Variants in PLK4 observed in about 807,000 individuals in gnomAD.
The protein encoded by PLK4 is serine/threonine-protein kinase PLK4.
PLK4 carries 51 observed loss-of-function variants against 103.0 expected under a neutral mutation model. That is an observed-to-expected ratio of 0.50 (90% CI 0.40 to 0.63). The LOEUF (loss-of-function observed/expected upper bound fraction) is 0.63. Among genes scored for constraint, PLK4 ranks in the 20% least tolerant of loss-of-function variants. PLK4 has a pLI of 0.00. For synonymous variants in PLK4, 389 were observed against 376.8 expected, an observed-to-expected ratio of 1.03 and a Z score of -0.38; for missense variants, 1,054 against 1,151.0, an observed-to-expected ratio of 0.92 and a Z score of 1.22.
chr4:127,891,630 C>A lies in PLK4; in HGVS notation c.1987C>A (p.Pro663Thr), dbSNP rs1043589203. 3 of 1,555,762 alleles carry A rather than the reference C, an allele frequency of 1.9e-6. No individual in the cohort carries two copies. Among genetic ancestry groups the A allele is most frequent in the Admixed American group, 1.8e-5 (1 of 55,264 alleles). ...GGRGFPLADRPPSPTDNISRY... is the reference protein window; with the variant it reads ...GGRGFPLADRTPSPTDNISRY... ...TAGAGGTTTTCCTCTTGCTGATAGA[C>A]CACCCTCACCTACTGACAACATCAG... Residue 663 changes from proline (P) to threonine (T), a missense_variant, in exon 9 of 16, where the codon CCA becomes ACA. Around this residue, in one of 4 missense-constraint regions of PLK4, gnomAD observed 680 missense variants for 660.3 expected, o/e 1.03. Coordinates refer to ENST00000270861, the MANE Select transcript of PLK4 (RefSeq NM_014264.5).
chr4:127,897,161 A>C (rs892678182), intron 15 of PLK4, among the ~76,000 whole-genome samples: 12 of 152,326 alleles, frequency 7.9e-5, no homozygotes, highest in Admixed American at 7.8e-4. Context: ...TTACTGTTCC[A>C]TAGTGTAACT....
rs1159466452 is a variant in PLK4, at chr4:127,886,107, T to A, written c.737T>A (p.Leu246His). ...IEAKDLIHQLLRRNPADRLSL... is the reference protein window; with the variant it reads ...IEAKDLIHQLHRRNPADRLSL... ...GCCAAGGACCTTATTCACCAGTTAC[T>A]TCGTAGAAATCCAGCAGATCGTTTA... Residue 246 changes from leucine to histidine, a missense_variant, in exon 5 of 16, where the codon CTT becomes CAT. Around this residue, in one of 4 missense-constraint regions of PLK4, gnomAD observed 680 missense variants for 660.3 expected, o/e 1.03. Transcript: ENST00000270861. The A allele has an allele frequency of 6.2e-7, 1 of 1,614,232 alleles. No homozygotes were observed. Among genetic ancestry groups the A allele is most frequent in the South Asian group, 1.1e-5 (1 of 91,086 alleles).
intron 9 of PLK4, 45 bp downstream of exon 9, chr4:127,891,726 T>C: frequency 3.1e-5 from 21 of 675,290 alleles, no homozygotes; most frequent in Non-Finnish European, 4.7e-5. Flanking sequence ...TAGATTTATA[T>C]GTATATACGT....
chr4:127,895,799 C>T (rs1158811859), intron 14 of PLK4, among the ~76,000 whole-genome samples: 2 of 152,078 alleles, frequency 1.3e-5, no homozygotes, highest in Admixed American at 6.6e-5. Context: ...TGTGATGTCA[C>T]GTGCCTATAG....
In PLK4 at chr4:127,891,699, G is replaced by T; in HGVS notation, c.2038+18G>T. The T allele has an allele frequency of 9.4e-7, 1 of 1,063,140 alleles. No individual in the cohort carries two copies. Among genetic ancestry groups the T allele is most frequent in the Non-Finnish European group, 1.3e-6 (1 of 745,106 alleles). The allele number at this position is 1,063,140 out of a possible 1,614,324, so 65.9% of individuals were successfully genotyped here. On this transcript the variant is annotated intron_variant, in intron 9 of 15. Coordinates refer to ENST00000270861, the MANE Select transcript of PLK4 (RefSeq NM_014264.5). Reference sequence around the variant, plus strand: ...TTTACCAGGTATGTGAATTTACCAGGGAATAAATTTTGATAGTAGATTTAT... The same window carrying T: ...TTTACCAGGTATGTGAATTTACCAGTGAATAAATTTTGATAGTAGATTTAT...
At chr4:127,888,878 TA>T (rs1735244907) in intron 6 of PLK4, among the ~76,000 whole-genome samples, 1 of 152,214 alleles carries the variant, frequency 6.6e-6, no homozygotes. Flanking sequence ...TCTCTTTTTT[TA>T]ATGTATATTA....
Position 127,898,489 on chromosome 4 carries a change from G to A in PLK4, c.2861G>A (p.Cys954Tyr). Residue 954 changes from cysteine (C) to tyrosine (Y), a missense_variant, in exon 16 of 16, where the codon TGT becomes TAT. Cys to Tyr is a radical substitution (Grantham distance 194, BLOSUM62 -2). Around this residue, in one of 4 missense-constraint regions of PLK4, gnomAD observed 167 missense variants for 200.7 expected, o/e 0.83. Transcript: ENST00000270861. ...GACTACATCAAACAGAAATTACAGT[G>A]TCTGTCTTCCATCCTTTTGATGTTT... Reference protein sequence around the residue: ...LPDYIKQKLQCLSSILLMFSN... With the variant: ...LPDYIKQKLQYLSSILLMFSN... 6.3e-7 allele frequency: 1 copy of A among 1,589,898 alleles called. No individual in the cohort carries two copies. Among genetic ancestry groups the A allele is most frequent in the Non-Finnish European group, 8.6e-7 (1 of 1,160,608 alleles).
chr4:127,893,936 C>T (rs1735464678), intron 13 of PLK4, 55 bp downstream of exon 13: 1 of 948,634 alleles, frequency 1.1e-6, no homozygotes, highest in Admixed American at 2.0e-5. Context: ...TTGCCTGATG[C>T]CCTTCTTGTA....
intron 6 of PLK4, among the ~76,000 whole-genome samples, chr4:127,888,340 A>T (rs1418831018): frequency 6.6e-6 from 1 of 152,074 alleles, no homozygotes; most frequent in Non-Finnish European, 1.5e-5. Context: ...TACTGTTATT[A>T]TCTCCGTCTT....
intron 4 of PLK4, among the ~76,000 whole-genome samples, 166 bp downstream of exon 4, chr4:127,883,719 TA>T (rs1173908828): frequency 6.6e-6 from 1 of 152,196 alleles, no homozygotes; most frequent in Non-Finnish European, 1.5e-5. Flanking sequence ...TGCTAATTCT[TA>T]AAACAATTCA....
At chr4:127,885,637 A>G (rs1387120843) in intron 4 of PLK4, 71 bp from the exon 5 acceptor site, 24 of 1,169,710 alleles carry the variant, frequency 2.1e-5, no homozygotes, top group Non-Finnish European at 2.7e-5. Context: ...TTCATAATGT[A>G]TACTAAATAC....
At position 127,886,576 on chromosome 4, in the gene PLK4, A is replaced by G. The variant is rs1483569287; in HGVS notation, c.1206A>G (p.Ala402=). The G allele has an allele frequency of 1.2e-6, 2 of 1,614,082 alleles. No individual in the cohort carries two copies. The highest frequency in any genetic ancestry group is 1.1e-5 in the South Asian group (1 of 91,084). The change falls in exon 5 of 16, where the codon GCA becomes GCG. Residue 402 remains alanine, a synonymous_variant. Coordinates refer to ENST00000270861, the MANE Select transcript of PLK4 (RefSeq NM_014264.5). ...KTYTMERCHS[A]EMLSVSKRSG... Reference sequence around the variant, plus strand: ...ATACAATGGAACGATGTCACTCAGCAGAAATGCTTTCAGTGTCCAAAAGAT... The same window carrying G: ...ATACAATGGAACGATGTCACTCAGCGGAAATGCTTTCAGTGTCCAAAAGAT...
At chr4:127,882,973 T>G (rs1259207982) in intron 2 of PLK4, among the ~76,000 whole-genome samples, 1 of 133,790 alleles carries the variant, frequency 7.5e-6, no homozygotes, top group East Asian at 2.0e-4. Flanking sequence ...GAGGTTTTGC[T>G]CTAAAATTTG....
rs17012743 is a variant in PLK4, at chr4:127,895,105, C to G, written c.2703+12C>G. The stretch of plus-strand genomic sequence containing the variant: ...GTTGGGCTACACAGGTGAGAAGTTT[C>G]TAGTACAGTGCATTTTCTCAGTATG... On this transcript the variant is annotated intron_variant, in intron 14 of 15. Transcript: ENST00000270861. The G allele has an allele frequency of 0.027, 42,905 of 1,567,378 alleles. 2,757 individuals are homozygous for G. In the East Asian group the frequency reaches 0.29, roughly 11 times the overall value.
intron 8 of PLK4, 52 bp from the exon 9 acceptor site, chr4:127,891,527 G>A: frequency 4.3e-6 from 3 of 702,410 alleles, no homozygotes; most frequent in Non-Finnish European, 7.4e-6. Context: ...GCAAGATATA[G>A]TACTGGAACT....
intron 4 of PLK4, among the ~76,000 whole-genome samples, 194 bp from the exon 5 acceptor site, chr4:127,885,514 C>T (rs1346524328): frequency 1.3e-5 from 2 of 149,206 alleles, no homozygotes; most frequent in Non-Finnish European, 3.0e-5. Flanking sequence ...AATATGATCT[C>T]TTTAGAGGGG....
intron 5 of PLK4, 102 bp downstream of exon 5, chr4:127,886,830 C>G (rs1008421047): frequency 1.6e-6 from 1 of 626,508 alleles, no homozygotes; most frequent in South Asian, 2.6e-5. Context: ...AAATGAATGT[C>G]TAAAAAAAAA....
chr4:127,898,716 A>G lies in PLK4; in HGVS notation c.*175A>G, dbSNP rs1402583963. On this transcript the variant is annotated 3_prime_UTR_variant, in exon 16 of 16. Transcript: ENST00000270861. ...AACAAAGCAGAATGAAACTTGAGTCACTTACTAAATATAGTGGATATAAAA... is the reference window on the plus strand; with the variant it reads ...AACAAAGCAGAATGAAACTTGAGTCGCTTACTAAATATAGTGGATATAAAA... 1 of 515,294 alleles carries G rather than the reference A, an allele frequency of 1.9e-6. No individual in the cohort carries two copies. Among genetic ancestry groups the G allele is most frequent in the East Asian group, 3.2e-5 (1 of 31,438 alleles). The allele number at this position is 515,294 out of a possible 1,614,324, so 31.9% of individuals were successfully genotyped here. A position where few individuals can be genotyped will look rare whatever the true frequency, so the allele number is the denominator to read the frequency against.
chr4:127,894,830 T>A, intron 13 of PLK4, 123 bp from the exon 14 acceptor site: 1 of 594,276 alleles, frequency 1.7e-6, no homozygotes, highest in Non-Finnish European at 2.7e-6. Context: ...TATATTTTCG[T>A]TAAAAAATGT....
Sources: allele counts gnomAD v4.1 joint callset (sites outside exome capture counted in the v4.1 genomes callset), GRCh38; gene constraint gnomAD v4.1.1; regional missense constraint gnomAD v4.1.1; transcripts MANE v1.5; gene names NCBI Gene and HGNC (gene_info 2026-07-23, HGNC 2026-07-21).